Variants in TENM3 observed in about 807,000 individuals in gnomAD.
TENM3 encodes teneurin-3.
A neutral mutation model predicts 255.1 loss-of-function variants in TENM3; 63 were observed. That is an observed-to-expected ratio of 0.25 (90% confidence interval 0.20 to 0.30). The LOEUF (loss-of-function observed/expected upper bound fraction) is 0.30, where lower values mean the gene tolerates loss of function less well. TENM3 is among the 10% of genes least tolerant of loss of function. The pLI, the probability that TENM3 is intolerant of heterozygous loss-of-function variation, is 1.00. For synonymous variants in TENM3, 1,306 were observed against 1,322.3 expected (o/e 0.99, Z 0.27); for missense variants, 2,929 against 3,461.1 (o/e 0.85, Z 3.86).
At chr4:181,492,262 T>C in the TENM3 span, among the ~76,000 whole-genome samples, 1 of 152,162 alleles carries the variant, frequency 6.6e-6, no homozygotes, top group South Asian at 2.1e-4. Flanking sequence ...TGTACACATT[T>C]TGAGAAAAAG....
At chr4:181,984,635 C>A in the TENM3 span, among the ~76,000 whole-genome samples, 6 of 151,854 alleles carry the variant, frequency 4.0e-5, no homozygotes, top group Non-Finnish European at 7.4e-5. Context: ...CCAACAGGGG[C>A]AGAGTAGCAT....
the TENM3 span, among the ~76,000 whole-genome samples, chr4:182,031,954 T>C: frequency 6.6e-6 from 1 of 152,184 alleles, no homozygotes; most frequent in Non-Finnish European, 1.5e-5. Context: ...GCTTTTGGGC[T>C]CAGACGATGG....
chr4:182,199,720 C>CTTTTTTTTTT (rs367906246), intron 1 of TENM3, among the ~76,000 whole-genome samples: 4 of 104,846 alleles, frequency 3.8e-5, no homozygotes, highest in East Asian at 3.5e-4. Flanking sequence ...AACATCATTG[C>CTTTTTTTTTT]TTTTTTTTTT....
At chr4:181,787,312 C>T in the TENM3 span, among the ~76,000 whole-genome samples, 1 of 151,608 alleles carries the variant, frequency 6.6e-6, no homozygotes, top group African/African-American at 2.4e-5. Flanking sequence ...GTTTCACCTG[C>T]AGGCCATCAT....
the TENM3 span, among the ~76,000 whole-genome samples, chr4:181,991,175 T>G: frequency 3.3e-5 from 5 of 152,302 alleles, no homozygotes; most frequent in African/African-American, 1.2e-4. Flanking sequence ...AACATATGTT[T>G]TCACTTAGGA....
the TENM3 span, chr4:181,821,676 G>T: frequency 6.6e-6 from 1 of 152,064 alleles, no homozygotes; most frequent in Non-Finnish European, 1.5e-5. Flanking sequence ...TATAGAAAAC[G>T]GCAATGAGAA....
At chr4:182,457,116 C>T (rs374123831) in intron 3 of TENM3, among the ~76,000 whole-genome samples, 220 of 148,376 alleles carry the variant, frequency 1.5e-3, no homozygotes, top group African/African-American at 5.1e-3. Flanking sequence ...ACCTGGGAGG[C>T]GGAGGTTGCA....
Position 182,346,738 on chromosome 4 carries a change from A to C in TENM3, c.320A>C (p.His107Pro), listed in dbSNP as rs1157530694. The change falls in exon 3 of 28, where the codon CAC (histidine) becomes CCC (proline). Residue 107 changes from histidine to proline, a missense_variant. Around this residue, in one of 6 missense-constraint regions of TENM3, gnomAD observed 283 missense variants for 256.9 expected, o/e 1.10. Coordinates refer to ENST00000511685, the MANE Select transcript of TENM3 (RefSeq NM_001080477.4). ...LAFCAEMGLP[H>P]RGYSISAGSD... ...TTTTGTGCGGAAATGGGGCTCCCTCACAGAGGTTACTCTATCAGTGCAGGG... is the reference window on the plus strand; with the variant it reads ...TTTTGTGCGGAAATGGGGCTCCCTCCCAGAGGTTACTCTATCAGTGCAGGG... 1 of 1,613,576 alleles carries C rather than the reference A, an allele frequency of 6.2e-7. No homozygotes were observed. Among genetic ancestry groups the C allele is most frequent in the African/African-American group, 1.3e-5 (1 of 74,870 alleles).
chr4:181,685,687 C>T, the TENM3 span, among the ~76,000 whole-genome samples: 11 of 152,162 alleles, frequency 7.2e-5, no homozygotes, highest in Non-Finnish European at 1.2e-4. Context: ...TGCCAAAGGA[C>T]GGATGGGCAC....
At chr4:182,697,806 C>T (rs928607880) in intron 12 of TENM3, 3 of 152,176 alleles carry the variant, frequency 2.0e-5, no homozygotes, top group African/African-American at 7.2e-5. Flanking sequence ...GAAGAGGTCA[C>T]TTAATCTCTT....
At chr4:182,008,195 T>C in the TENM3 span, among the ~76,000 whole-genome samples, 2 of 152,142 alleles carry the variant, frequency 1.3e-5, no homozygotes, top group Non-Finnish European at 2.9e-5. Context: ...TTGATGATTA[T>C]GTGTCTTGGG....
chr4:182,486,650 A>C (rs563270206), intron 3 of TENM3, among the ~76,000 whole-genome samples: 2 of 152,320 alleles, frequency 1.3e-5, no homozygotes, highest in African/African-American at 4.8e-5. Flanking sequence ...AGAAAAATGC[A>C]GAGCTAGAAC....
At chr4:182,406,011 C>T (rs950112785) in intron 3 of TENM3, among the ~76,000 whole-genome samples, 12 of 151,862 alleles carry the variant, frequency 7.9e-5, no homozygotes, top group Admixed American at 2.6e-4. Flanking sequence ...TTGTGCAGGA[C>T]GAACTGGACT....
chr4:182,776,670 A>G (rs1402601381), intron 24 of TENM3, among the ~76,000 whole-genome samples: 5 of 152,162 alleles, frequency 3.3e-5, no homozygotes, highest in Non-Finnish European at 7.3e-5. Flanking sequence ...TGCAAGACAT[A>G]AAAGGAACTT....
the TENM3 span, among the ~76,000 whole-genome samples, chr4:181,515,648 A>G: frequency 1.3e-5 from 2 of 151,960 alleles, no homozygotes; most frequent in Admixed American, 6.6e-5. Flanking sequence ...ACTCCAGTTC[A>G]CTCTTTAAAA....
At chr4:182,593,306 TTC>T (rs1746857109) in intron 3 of TENM3, among the ~76,000 whole-genome samples, 1 of 152,190 alleles carries the variant, frequency 6.6e-6, no homozygotes, top group South Asian at 2.1e-4. Context: ...GCTTCTCAGA[TTC>T]TCTCACAGTT....
At chr4:182,001,078 T>C in the TENM3 span, among the ~76,000 whole-genome samples, 1 of 148,008 alleles carries the variant, frequency 6.8e-6, no homozygotes, top group Non-Finnish European at 1.5e-5. Context: ...GCTTCAAAAC[T>C]ACCTTCACCA....
the TENM3 span, among the ~76,000 whole-genome samples, chr4:181,739,361 C>T: frequency 1.3e-5 from 2 of 152,206 alleles, no homozygotes; most frequent in African/African-American, 4.8e-5. Context: ...ACTGGTGCCC[C>T]TTGTATTGTC....
the TENM3 span, among the ~76,000 whole-genome samples, chr4:181,664,685 C>G: frequency 6.6e-6 from 1 of 152,128 alleles, no homozygotes; most frequent in Non-Finnish European, 1.5e-5. Context: ...AGCCAAAGAT[C>G]TGAGATTCAG....
Sources: gnomAD v4.1 joint callset for allele counts (sites outside exome capture counted in the v4.1 genomes callset) on GRCh38, gnomAD v4.1.1 for gene constraint, gnomAD v4.1.1 regional missense constraint, MANE v1.5 for transcripts, NCBI Gene and HGNC (gene_info 2026-07-23, HGNC 2026-07-21) for gene names.